TMPRSS9: variants seen among roughly 807,000 people sequenced by gnomAD.
TMPRSS9 encodes transmembrane protease serine 9.
In TMPRSS9, 113 loss-of-function variants were observed where a neutral mutation model predicts 111.4. The observed-to-expected ratio is 1.01, with a 90% CI of 0.87 to 1.19. TMPRSS9 has a LOEUF of 1.19. TMPRSS9 is among the 50% of genes most tolerant of loss of function. The probability of loss-of-function intolerance (pLI) is 0.00; values close to 1 mark genes in which losing one functional copy is unlikely to be tolerated. For missense variants in TMPRSS9, 1,803 were observed against 1,513.1 expected, an observed-to-expected ratio of 1.19 and a Z score of -3.18; for synonymous variants, 805 against 659.1, an observed-to-expected ratio of 1.22 and a Z score of -3.39.
intron 1 of TMPRSS9, among the ~76,000 whole-genome samples, chr19:2,372,241 C>A (rs1970297371): frequency 6.6e-6 from 1 of 152,164 alleles, no homozygotes; most frequent in African/African-American, 2.4e-5. Context: ...TCCTGTCACG[C>A]AGGCGGGCGA....
chr19:2,403,542 C>T (rs577826609), intron 6 of TMPRSS9, among the ~76,000 whole-genome samples: 6 of 151,962 alleles, frequency 3.9e-5, no homozygotes, highest in African/African-American at 1.5e-4. Flanking sequence ...ATGTGAGCAA[C>T]GGAAAGAGAC....
In TMPRSS9 at chr19:2,399,207, C is replaced by T. The variant is rs201214433; in HGVS notation, c.514+14C>T. ...CTGAGCTCACAGGTGAGTGGGCAGC[C>T]GAGACCGAAACCCCATCACGAGGAG... On this transcript the variant is annotated intron_variant, in intron 4 of 17. Transcript: ENST00000648592. The T allele has an allele frequency of 2.3e-5, 36 of 1,570,608 alleles. No individual in the cohort carries two copies. The highest frequency in any genetic ancestry group is 1.2e-5 in the South Asian group (1 of 84,536).
intron 1 of TMPRSS9, among the ~76,000 whole-genome samples, chr19:2,364,107 G>C (rs182797919): frequency 6.6e-6 from 1 of 152,008 alleles, no homozygotes; most frequent in Non-Finnish European, 1.5e-5. Context: ...GCTTGAGCCC[G>C]GGAGTTGGAG....
At chr19:2,410,199 C>CA in intron 8 of TMPRSS9, 59 bp from the exon 10 acceptor site, 1 of 1,601,100 alleles carries the variant, frequency 6.2e-7, no homozygotes, top group South Asian at 1.1e-5. Context: ...CCTCCCAGCT[C>CA]AAAGTGGCTG....
At chr19:2,368,782 TTTTTTTTTTTTTTTTTTTTA>T in intron 1 of TMPRSS9, among the ~76,000 whole-genome samples, 1 of 105,886 alleles carries the variant, frequency 9.4e-6, no homozygotes, top group Non-Finnish European at 1.8e-5. Flanking sequence ...CAGTTTTTTT[TTTTTTTTTTTTTTTTTTTTA>T]AAGACAGAGT....
upstream of TMPRSS9, among the ~76,000 whole-genome samples, chr19:2,388,084 C>T (rs1970513388): frequency 6.6e-6 from 1 of 152,146 alleles, no homozygotes; most frequent in Middle Eastern, 3.2e-3. Flanking sequence ...TTCTTTGATG[C>T]ACCTCCCTTC....
At chr19:2,376,433 G>A (rs1039081281) in intron 1 of TMPRSS9, among the ~76,000 whole-genome samples, 2 of 151,954 alleles carry the variant, frequency 1.3e-5, no homozygotes, top group African/African-American at 4.8e-5. Flanking sequence ...TTATTCTGTG[G>A]CCACAGGACC....
At chr19:2,421,005 G>C (rs1229966520) in intron 13 of TMPRSS9, among the ~76,000 whole-genome samples, 1 of 152,058 alleles carries the variant, frequency 6.6e-6, no homozygotes, top group African/African-American at 2.4e-5. Flanking sequence ...AGGAGTTGGA[G>C]ACCAGCCTGG....
rs1372426476 is a variant in TMPRSS9, at chr19:2,418,358, C to T, written c.2154+220C>T. On this transcript the variant is annotated intron_variant, in intron 13 of 17. Coordinates refer to ENST00000648592, the Ensembl canonical transcript of TMPRSS9. ...TTCCTTCCCTCCCTTTCCCTCCCTC[C>T]CTCCCTTCCCTTCCCTCCCTCCCTT... is the stretch of plus-strand genomic sequence containing the variant. Among the ~76,000 whole-genome samples, 32 of 62,550 alleles carry T rather than the reference C, an allele frequency of 5.1e-4. 6 individuals carry two copies. The highest frequency in any genetic ancestry group is 2.4e-3 in the African/African-American group (29 of 12,008). 41.0% of individuals were successfully genotyped at this position (62,550 alleles called of 152,430 possible). A position where few individuals can be genotyped will look rare whatever the true frequency, so the allele number is the denominator to read the frequency against.
exon 7 of TMPRSS9, chr19:2,405,475 A>G (rs1029059045): frequency 1.2e-6 from 2 of 1,608,456 alleles, no homozygotes. Flanking sequence ...TCGAGAGAAC[A>G]AGGAGCACTT....
chr19:2,390,172 C>G (rs1342285660), intron 1 of TMPRSS9, among the ~76,000 whole-genome samples: 1 of 149,648 alleles, frequency 6.7e-6, no homozygotes, highest in African/African-American at 2.5e-5. Flanking sequence ...GACAGAGAAA[C>G]AGAGACAGGG....
chr19:2,424,529 C>T (rs1019923094), intron 15 of TMPRSS9, among the ~76,000 whole-genome samples: 1 of 139,556 alleles, frequency 7.2e-6, no homozygotes, highest in African/African-American at 2.9e-5. Flanking sequence ...AACCCGGAAG[C>T]TGCGGCCCCC....
At chr19:2,389,808 T>C in exon 1 of TMPRSS9, 1 of 1,613,740 alleles carries the variant, frequency 6.2e-7, no homozygotes, top group Non-Finnish European at 8.5e-7. Context: ...GTGGCTGACG[T>C]ACACCTCGTG....
chr19:2,378,993 C>G (rs115482458), intron 1 of TMPRSS9, among the ~76,000 whole-genome samples: 6,205 of 152,080 alleles, frequency 0.041, 426 homozygotes, highest in African/African-American at 0.14. Flanking sequence ...CACCTAGTCC[C>G]TCCCATGACA....
chr19:2,408,850 A>T (rs1481531581), intron 8 of TMPRSS9, among the ~76,000 whole-genome samples: 1 of 151,490 alleles, frequency 6.6e-6, no homozygotes, highest in African/African-American at 2.4e-5. Context: ...TTAGCCAGGC[A>T]TGGTGGTGCG....
upstream of TMPRSS9, among the ~76,000 whole-genome samples, chr19:2,384,985 A>AAAG (rs1311299203): frequency 1.4e-5 from 2 of 146,564 alleles, no homozygotes; most frequent in African/African-American, 5.2e-5. Flanking sequence ...CCATCTCAAA[A>AAAG]AAAAAAAAAA....
At chr19:2,397,166 C>T (rs2145307311) in intron 2 of TMPRSS9, among the ~76,000 whole-genome samples, 1 of 152,192 alleles carries the variant, frequency 6.6e-6, no homozygotes, top group East Asian at 1.9e-4. Context: ...AATGATCTTC[C>T]CTCCACGGCC....
chr19:2,392,388 GATAAAAA>G (rs1438618300), intron 1 of TMPRSS9, among the ~76,000 whole-genome samples: 6 of 151,426 alleles, frequency 4.0e-5, no homozygotes, highest in East Asian at 2.0e-4. Context: ...GTGACACCCT[GATAAAAA>G]ATAAAAAAGA....
chr19:2,417,163 T>A (rs749214903), intron 12 of TMPRSS9, among the ~76,000 whole-genome samples: 5 of 152,056 alleles, frequency 3.3e-5, no homozygotes, highest in African/African-American at 4.8e-5. Context: ...CTCTGACCAT[T>A]TATAGAAAAT....
Sources: allele counts gnomAD v4.1 joint callset (sites outside exome capture counted in the v4.1 genomes callset), GRCh38; gene constraint gnomAD v4.1.1; transcripts MANE v1.5; gene names NCBI Gene and HGNC (gene_info 2026-07-23, HGNC 2026-07-21).